PUDP: variants seen among roughly 807,000 people sequenced by gnomAD.
PUDP encodes the protein pseudouridine 5'-phosphatase, also known as pseudouridine-5'-phosphatase.
PUDP carries 8 observed loss-of-function variants against 9.4 expected under a neutral mutation model. That is an observed-to-expected ratio of 0.85 (90% CI 0.50 to 1.53). The LOEUF (loss-of-function observed/expected upper bound fraction) is 1.53, where lower values mean the gene tolerates loss of function less well. PUDP is among the 40% of genes most tolerant of loss of function. The pLI, the probability that PUDP is intolerant of heterozygous loss-of-function variation, is 0.00. For synonymous variants in PUDP, 99 were observed against 80.7 expected, an observed-to-expected ratio of 1.23 and a Z score of -1.22; for missense variants, 188 against 189.7, an observed-to-expected ratio of 0.99 and a Z score of 0.05.
At chrX:6,731,303 C>T (rs1235526691) in intron 3 of PUDP, among the ~76,000 whole-genome samples, 5 of 111,305 alleles carry the variant, frequency 4.5e-5, no homozygotes, top group Non-Finnish European at 9.4e-5. Flanking sequence ...GACCTACTGG[C>T]CTCAAACAAT....
rs780402447 is a variant in PUDP at position 7,121,717 on chromosome X, C to T, written c.62-15879G>A. On this transcript the variant is annotated intron_variant, in intron 1 of 3. Coordinates refer to ENST00000381077, the MANE Select transcript of PUDP (RefSeq NM_012080.5). ...AGCCTGGGGTCAGTGTGAGGGCTTT[C>T]TAACTAGCATGCAGTGTGCCAGGGA... Among the ~76,000 whole-genome samples, 58 of 111,316 alleles carry T rather than the reference C, an allele frequency of 5.2e-4. 1 individual carries two copies. Among genetic ancestry groups the T allele is most frequent in the Non-Finnish European group, 9.4e-4 (50 of 52,946 alleles).
At chrX:6,853,482 C>T (rs1195203625) in intron 3 of PUDP, among the ~76,000 whole-genome samples, 1 of 109,103 alleles carries the variant, frequency 9.2e-6, no homozygotes, top group Non-Finnish European at 1.9e-5. Flanking sequence ...ATTAAGCTCA[C>T]ATAACATGAA....
chrX:7,076,740 G>A (rs1176618034), intron 3 of PUDP, among the ~76,000 whole-genome samples: 4 of 112,024 alleles, frequency 3.6e-5, no homozygotes, highest in African/African-American at 6.5e-5. Context: ...AAAACTTGGC[G>A]ATAAAAACCC....
chrX:6,712,396 C>A (rs1346686658), intron 1 of PUDP, among the ~76,000 whole-genome samples: 1 of 111,821 alleles, frequency 8.9e-6, no homozygotes, highest in East Asian at 2.8e-4. Context: ...GTGATCTGCC[C>A]GCCTCAGTCT....
intron 1 of PUDP, among the ~76,000 whole-genome samples, chrX:7,021,181 G>A (rs778687269): frequency 1.8e-5 from 2 of 112,073 alleles, no homozygotes; most frequent in Non-Finnish European, 3.8e-5. Context: ...GCTCAAACAC[G>A]TGTCCTTTTA....
intron 3 of PUDP, among the ~76,000 whole-genome samples, chrX:6,831,828 C>G (rs932299991): frequency 3.6e-4 from 40 of 111,724 alleles, no homozygotes; most frequent in African/African-American, 1.3e-3. Context: ...AATCTGCTTT[C>G]TAATCTTTGG....
intron 3 of PUDP, among the ~76,000 whole-genome samples, chrX:6,776,353 A>G (rs1925460535): frequency 2.7e-5 from 3 of 109,463 alleles, no homozygotes; most frequent in Non-Finnish European, 3.8e-5. Context: ...TCAACATGGC[A>G]AAACCCGATC....
chrX:6,976,013 C>T (rs778557737), intron 3 of PUDP, among the ~76,000 whole-genome samples: 2 of 112,032 alleles, frequency 1.8e-5, no homozygotes, highest in Non-Finnish European at 3.8e-5. Context: ...GGGAAAACCG[C>T]CTACTCAAGC....
At chrX:7,115,825 A>G (rs1932178925) in intron 1 of PUDP, among the ~76,000 whole-genome samples, 1 of 112,575 alleles carries the variant, frequency 8.9e-6, no homozygotes, top group Admixed American at 9.4e-5. Context: ...ACGTGGCTGC[A>G]AGGGGGAGCT....
chrX:7,032,333 C>T (rs1295563788), intron 1 of PUDP, among the ~76,000 whole-genome samples: 3 of 111,768 alleles, frequency 2.7e-5, no homozygotes, highest in African/African-American at 9.8e-5. Flanking sequence ...AATAACTACC[C>T]TATGGCTCAA....
intron 1 of PUDP, among the ~76,000 whole-genome samples, chrX:6,993,314 T>C (rs1364852682): frequency 2.7e-5 from 3 of 112,127 alleles, no homozygotes; most frequent in African/African-American, 9.7e-5. Flanking sequence ...CTGGAGTTGA[T>C]GGTCTCTAGA....
chrX:6,754,649 T>A (rs1925149339), intron 3 of PUDP, among the ~76,000 whole-genome samples: 1 of 108,193 alleles, frequency 9.2e-6, no homozygotes, highest in Admixed American at 1.0e-4. Context: ...TATTATATAT[T>A]ATATTTATTA....
intron 1 of PUDP, among the ~76,000 whole-genome samples, chrX:7,141,086 A>G (rs1932791200): frequency 9.0e-6 from 1 of 111,676 alleles, no homozygotes; most frequent in Non-Finnish European, 1.9e-5. Context: ...TCACACTAAT[A>G]TTGAAATCAG....
chrX:7,009,070 T>A (rs1235064323), intron 1 of PUDP, among the ~76,000 whole-genome samples: 2 of 112,347 alleles, frequency 1.8e-5, no homozygotes, highest in Non-Finnish European at 1.9e-5. Flanking sequence ...ATAATCTCTA[T>A]CACATATGAA....
At chrX:6,734,495 C>T (rs1376711923) in intron 3 of PUDP, among the ~76,000 whole-genome samples, 4 of 111,861 alleles carry the variant, frequency 3.6e-5, no homozygotes, top group East Asian at 5.6e-4. Flanking sequence ...TTATTAGGCC[C>T]GGTGGGCTGG....
At chrX:6,957,094 T>C (rs1430910936) in intron 3 of PUDP, among the ~76,000 whole-genome samples, 1 of 112,264 alleles carries the variant, frequency 8.9e-6, no homozygotes, top group Non-Finnish European at 1.9e-5. Flanking sequence ...ATCCTTTTAC[T>C]AGAAGTATCA....
intron 3 of PUDP, among the ~76,000 whole-genome samples, chrX:6,855,989 G>C (rs1295910926): frequency 2.7e-5 from 3 of 111,443 alleles, no homozygotes; most frequent in Non-Finnish European, 3.8e-5. Context: ...CTAGCAGTTG[G>C]GGGGTGAGCT....
At chrX:6,796,719 A>G (rs780694443) in intron 3 of PUDP, among the ~76,000 whole-genome samples, 5 of 112,375 alleles carry the variant, frequency 4.4e-5, no homozygotes, top group African/African-American at 1.3e-4. Context: ...AAAGAGAAAG[A>G]GTGAGAAACA....
chrX:6,946,045 C>A (rs973590977), intron 3 of PUDP, among the ~76,000 whole-genome samples: 1 of 111,316 alleles, frequency 9.0e-6, no homozygotes, highest in Non-Finnish European at 1.9e-5. Flanking sequence ...ACCAACCGCC[C>A]GATGCTGCCC....
Sources: allele counts gnomAD v4.1 joint callset (sites outside exome capture counted in the v4.1 genomes callset), GRCh38; gene constraint gnomAD v4.1.1; transcripts MANE v1.5; gene names NCBI Gene and HGNC (gene_info 2026-07-23, HGNC 2026-07-21).